The following UGP2 variants were observed in gnomAD, a reference collection of about 807,000 sequenced individuals.
UGP2 encodes the protein UDP-glucose pyrophosphorylase 2, also known as UTP--glucose-1-phosphate uridylyltransferase.
UGP2 carries 40 observed loss-of-function variants against 49.0 expected under a neutral mutation model. That is an observed-to-expected ratio of 0.82 (90% CI 0.63 to 1.06). UGP2 has a LOEUF of 1.06. UGP2 is among the 50% of genes least tolerant of loss of function. The pLI is 0.00. For synonymous variants in UGP2, 225 were observed against 213.0 expected, an observed-to-expected ratio of 1.06 and a Z score of -0.49; for missense variants, 460 against 603.5, an observed-to-expected ratio of 0.76 and a Z score of 2.49.
chr2:63,886,914 GAA>G (rs1671716124), intron 7 of UGP2, among the ~76,000 whole-genome samples: 1 of 152,122 alleles, frequency 6.6e-6, no homozygotes, highest in South Asian at 2.1e-4. Flanking sequence ...TTTTAAGACT[GAA>G]AAAAGATTAC....
intron 1 of UGP2, among the ~76,000 whole-genome samples, chr2:63,847,696 C>G (rs1239452797): frequency 2.0e-5 from 3 of 152,054 alleles, no homozygotes; most frequent in Non-Finnish European, 4.4e-5. Context: ...TGGTTTTGAG[C>G]CAGGATGAGC....
At chr2:63,890,283 G>A in intron 9 of UGP2, 98 bp downstream of exon 9, 2 of 796,616 alleles carry the variant, frequency 2.5e-6, no homozygotes, top group Non-Finnish European at 2.0e-6. Flanking sequence ...ATACTTGTTA[G>A]TCTTAGTGCC....
intron 3 of UGP2, among the ~76,000 whole-genome samples, chr2:63,864,637 G>A (rs1365250189): frequency 6.6e-6 from 1 of 152,100 alleles, no homozygotes; most frequent in East Asian, 1.9e-4. Flanking sequence ...AGGTCTACCT[G>A]AGCCCGCATT....
intron 1 of UGP2, among the ~76,000 whole-genome samples, chr2:63,851,655 G>A (rs1669049604): frequency 6.6e-6 from 1 of 152,146 alleles, no homozygotes; most frequent in African/African-American, 2.4e-5. Flanking sequence ...TTTTCTGAAA[G>A]TGTTGAGTGG....
chr2:63,879,094 C>T (rs1671122835), intron 3 of UGP2, among the ~76,000 whole-genome samples: 1 of 151,774 alleles, frequency 6.6e-6, no homozygotes, highest in Non-Finnish European at 1.5e-5. Flanking sequence ...AACATGGTTC[C>T]TAAAGCTCAC....
intron 3 of UGP2, among the ~76,000 whole-genome samples, chr2:63,876,423 C>T (rs945797201): frequency 2.0e-5 from 3 of 152,134 alleles, no homozygotes; most frequent in Non-Finnish European, 4.4e-5. Flanking sequence ...AAAGACCTCC[C>T]CTGGAGGCTT....
At position 63,856,464 on chromosome 2, in the gene UGP2, C is replaced by G. The variant is rs377193392; in HGVS notation, c.147+31C>G. 684 of 1,590,184 alleles carry G rather than the reference C, an allele frequency of 4.3e-4. 2 individuals carry two copies. The highest frequency in any genetic ancestry group is 5.3e-4 in the Non-Finnish European group (621 of 1,172,658). On this transcript the variant is annotated intron_variant, in intron 2 of 9. Coordinates refer to ENST00000337130, the MANE Select transcript of UGP2 (RefSeq NM_006759.4). ...GAGGTTTCTACAGTGTTCCACCCCC[C>G]CGCCCCTCCCTTCATCTGTCTTCAT...
intron 3 of UGP2, 138 bp from the exon 4 acceptor site, chr2:63,882,328 C>T: frequency 4.1e-6 from 3 of 724,474 alleles, no homozygotes; most frequent in South Asian, 3.6e-5. Flanking sequence ...GGGCCTATGA[C>T]ATTAAAGAAA....
At chr2:63,843,882 TTC>T (rs899601005) in intron 1 of UGP2, among the ~76,000 whole-genome samples, 3 of 152,066 alleles carry the variant, frequency 2.0e-5, no homozygotes, top group African/African-American at 7.3e-5. Context: ...TTTTTCTTTT[TTC>T]TTTTTCTTTC....
At position 63,882,652 on chromosome 2, in the gene UGP2, G is replaced by T; in HGVS notation, c.441+1G>T. On this transcript the variant is annotated splice_donor_variant, in intron 4 of 9. Coordinates refer to ENST00000337130, the MANE Select transcript of UGP2 (RefSeq NM_006759.4). LOFTEE classifies it high-confidence loss of function. The stretch of plus-strand genomic sequence containing the variant: ...GGATCTGACTGTTCAGCAAATTGAA[G>T]TGAGTAACATTTAGCCTTTCTCATG... 2 of 1,556,884 alleles carry T rather than the reference G, an allele frequency of 1.3e-6. No homozygotes were observed. Among genetic ancestry groups the T allele is most frequent in the Non-Finnish European group, 8.8e-7 (1 of 1,142,360 alleles).
At position 63,882,585 on chromosome 2, in the gene UGP2, C is replaced by T. The variant is rs1671391167; in HGVS notation, c.375C>T (p.Gly125=). The stretch of plus-strand genomic sequence containing the variant: ...TGGGAACCAGCATGGGCTGCAAAGG[C>T]CCTAAAAGTCTGATTGGTGTGAGGA... ...GGLGTSMGCK[G]PKSLIGVRNE... Residue 125 remains glycine (G), a synonymous_variant, in exon 4 of 10, where the codon GGC becomes GGT. Coordinates refer to ENST00000337130, the MANE Select transcript of UGP2 (RefSeq NM_006759.4). 1 of 1,610,666 alleles carries T rather than the reference C, an allele frequency of 6.2e-7. No homozygotes were observed. Among genetic ancestry groups the T allele is most frequent in the Non-Finnish European group, 8.5e-7 (1 of 1,177,788 alleles).
At chr2:63,852,954 C>T (rs1038792167) in intron 1 of UGP2, among the ~76,000 whole-genome samples, 2 of 151,932 alleles carry the variant, frequency 1.3e-5, no homozygotes, top group Non-Finnish European at 2.9e-5. Flanking sequence ...GCTGGGTATC[C>T]AGGTGTCAGA....
At chr2:63,849,919 G>A (rs1204066878) in intron 1 of UGP2, among the ~76,000 whole-genome samples, 2 of 152,130 alleles carry the variant, frequency 1.3e-5, no homozygotes, top group African/African-American at 2.4e-5. Flanking sequence ...CAAGTTACAC[G>A]GCAGGACTAC....
Position 63,867,364 on chromosome 2 carries a change from C to T in UGP2, c.255+9428C>T, listed in dbSNP as rs544530266. Among the ~76,000 whole-genome samples the T allele has an allele frequency of 7.2e-5, 11 of 152,238 alleles. No individual in the cohort carries two copies. The East Asian group carries it at 1.9e-3, about 27-fold the overall frequency. ...TAACATTGGGCAAGTTATTTAACTGCTTTAAGTGTCGGTTTCCTTACTCAT... is the reference window on the plus strand; with the variant it reads ...TAACATTGGGCAAGTTATTTAACTGTTTTAAGTGTCGGTTTCCTTACTCAT... On this transcript the variant is annotated intron_variant, in intron 3 of 9. Transcript: ENST00000337130.
chr2:63,873,840 T>C (rs910773293), intron 3 of UGP2, among the ~76,000 whole-genome samples: 3 of 152,202 alleles, frequency 2.0e-5, no homozygotes, highest in South Asian at 2.1e-4. Flanking sequence ...ACAGTAGATC[T>C]GGAGAGAGGC....
chr2:63,891,349 AAT>A lies in UGP2; in HGVS notation c.*124_*125del, dbSNP rs146202116. On this transcript the variant is annotated 3_prime_UTR_variant, in exon 10 of 10. Coordinates refer to ENST00000337130, the MANE Select transcript of UGP2 (RefSeq NM_006759.4). ...TGTACCCTGCAGTGTTGATTTTTAAAATAGAGTTTTCTGCAGTATGCTTTTAG... is the reference window on the plus strand; with the variant it reads ...TGTACCCTGCAGTGTTGATTTTTAAAAGAGTTTTCTGCAGTATGCTTTTAG... 1,640 of 693,240 alleles carry A rather than the reference AAT, an allele frequency of 2.4e-3. 4 individuals are homozygous for A. Among genetic ancestry groups the A allele is most frequent in the Non-Finnish European group, 2.9e-3 (1,308 of 446,858 alleles). The allele number at this position is 693,240 out of a possible 1,614,324, so 42.9% of individuals were successfully genotyped here. A position where few individuals can be genotyped will look rare whatever the true frequency, so the allele number is the denominator to read the frequency against.
In UGP2 at chr2:63,882,390, A is replaced by G. The variant is rs895136792; in HGVS notation, c.256-76A>G. On this transcript the variant is annotated intron_variant, in intron 3 of 9. Transcript: ENST00000337130. Reference sequence around the variant, plus strand: ...ACCGAAACTTTATGGAAGCATGGAAATAACCCTGGGATTGATATGCTTTAA... The same window carrying G: ...ACCGAAACTTTATGGAAGCATGGAAGTAACCCTGGGATTGATATGCTTTAA... 4 of 1,289,394 alleles carry G rather than the reference A, an allele frequency of 3.1e-6. No homozygotes were observed. In the South Asian group the frequency reaches 7.1e-5, roughly 23 times the overall value. 79.9% of individuals were successfully genotyped at this position (1,289,394 alleles called of 1,614,324 possible). A position where few individuals can be genotyped will look rare whatever the true frequency, so the allele number is the denominator to read the frequency against.
In UGP2 at chr2:63,885,874, T is replaced by A; in HGVS notation, c.861T>A (p.Arg287=). ...EFVMEVTNKT[R]ADVKGGTLTQ... is the part of the protein sequence containing the mutation. ...TCATGGAAGTCACAAATAAAACACG[T>A]GCAGATGTAAAGGTAAATACCGAGA... The change falls in exon 6 of 10, where the codon CGT becomes CGA. Residue 287 remains arginine, a synonymous_variant. Transcript: ENST00000337130. 8 of 1,589,596 alleles carry A rather than the reference T, an allele frequency of 5.0e-6. No homozygotes were observed. The highest frequency in any genetic ancestry group is 6.8e-6 in the Non-Finnish European group (8 of 1,169,724).
At chr2:63,884,993 C>CTATTT (rs1671565940) in intron 5 of UGP2, among the ~76,000 whole-genome samples, 1 of 23,150 alleles carries the variant, frequency 4.3e-5, no homozygotes, top group African/African-American at 1.6e-4. Flanking sequence ...CCCATGGTTA[C>CTATTT]TTTTTTTTTT....
Sources: allele counts gnomAD v4.1 joint callset (sites outside exome capture counted in the v4.1 genomes callset), GRCh38; gene constraint gnomAD v4.1.1; transcripts MANE v1.5; gene names NCBI Gene and HGNC (gene_info 2026-07-23, HGNC 2026-07-21).